Variants in OLIG2 observed in about 807,000 individuals in gnomAD.
OLIG2 encodes the protein basic domain, helix-loop-helix protein, class B, 1.
In OLIG2, 12 loss-of-function variants were observed where a neutral mutation model predicts 13.4. The observed-to-expected ratio is 0.90, with a 90% confidence interval of 0.58 to 1.46. The LOEUF (loss-of-function observed/expected upper bound fraction) is 1.46, where lower values mean the gene tolerates loss of function less well. OLIG2 is among the 40% of genes most tolerant of loss of function. The pLI is 0.00. For synonymous variants in OLIG2, 250 were observed against 233.6 expected (o/e 1.07, Z -0.64); for missense variants, 415 against 487.9 (o/e 0.85, Z 1.41).
In OLIG2 at chr21:33,027,764, C is replaced by G; in HGVS notation, c.902C>G (p.Pro301Arg). ...MPCPCSMCQV[P>R]PPHHHVSAMG... ...TGCCCCTGCAGCATGTGCCAGGTGCCGCCGCCGCACCACCACGTGTCGGCT... is the reference window on the plus strand; with the variant it reads ...TGCCCCTGCAGCATGTGCCAGGTGCGGCCGCCGCACCACCACGTGTCGGCT... The change falls in exon 2 of 2, where the codon CCG becomes CGG. Residue 301 changes from proline to arginine, a missense_variant. Around this residue, in one of 3 missense-constraint regions of OLIG2, gnomAD observed 243 missense variants for 241.2 expected, o/e 1.01. Coordinates refer to ENST00000382357, the MANE Select transcript of OLIG2 (RefSeq NM_005806.4). The G allele has an allele frequency of 7.1e-7, 1 of 1,412,766 alleles. No individual in the cohort carries two copies. The highest frequency in any genetic ancestry group is 9.2e-7 in the Non-Finnish European group (1 of 1,088,754). The allele number at this position is 1,412,766 out of a possible 1,614,324, so 87.5% of individuals were successfully genotyped here. A position where few individuals can be genotyped will look rare whatever the true frequency, so the allele number is the denominator to read the frequency against.
In OLIG2 at chr21:33,027,144, CAAG is replaced by C. The variant is rs762151640; in HGVS notation, c.286_288del (p.Lys96del). 5 of 1,611,392 alleles carry C rather than the reference CAAG, an allele frequency of 3.1e-6. No individual in the cohort carries two copies. Among genetic ancestry groups the C allele is most frequent in the Middle Eastern group, 3.3e-4 (2 of 6,060 alleles). On this transcript the variant is annotated inframe_deletion, in exon 2 of 2. Transcript: ENST00000382357. The stretch of plus-strand genomic sequence containing the variant: ...CGTCGTCGGCGGCTGCGTCGTCCAC[CAAG>C]AAGGACAAGAAGCAAATGACAGAGC...
Position 33,028,593 on chromosome 21 carries a change from C to T in OLIG2, c.*759C>T. 4.2e-6 allele frequency: 1 copy of T among 240,434 alleles called. No individual in the cohort carries two copies. Among genetic ancestry groups the T allele is most frequent in the Non-Finnish European group, 8.8e-6 (1 of 113,364 alleles). 14.9% of individuals were successfully genotyped at this position (240,434 alleles called of 1,614,324 possible). A position where few individuals can be genotyped will look rare whatever the true frequency, so the allele number is the denominator to read the frequency against. On this transcript the variant is annotated 3_prime_UTR_variant, in exon 2 of 2. Transcript: ENST00000382357. ...AAGTTTATAGACATTCAGAGTAGAA[C>T]CACTTGTGGATTGGAATAACCCAAA...
Position 33,026,814 on chromosome 21 carries a change from G to A in OLIG2, c.-49G>A, listed in dbSNP as rs1432012799. On this transcript the variant is annotated 5_prime_UTR_variant, in exon 2 of 2. Coordinates refer to ENST00000382357, the MANE Select transcript of OLIG2 (RefSeq NM_005806.4). The surrounding 1 kb of genome is among the most constrained non-coding windows in gnomAD (Gnocchi z 6.6). Reference sequence around the variant, plus strand: ...CTCTCCTGGAAGTTTTCGGGTCCGAGGGAAGGAGGACCCTGCGAAAGCTGC... The same window carrying A: ...CTCTCCTGGAAGTTTTCGGGTCCGAAGGAAGGAGGACCCTGCGAAAGCTGC... The A allele has an allele frequency of 1.9e-6, 3 of 1,591,842 alleles. No individual in the cohort carries two copies. The African/African-American group carries it at 4.0e-5, about 21-fold the overall frequency.
Position 33,028,239 on chromosome 21 carries a change from G to C in OLIG2, c.*405G>C, listed in dbSNP as rs931051004. On this transcript the variant is annotated 3_prime_UTR_variant, in exon 2 of 2. Transcript: ENST00000382357. ...GACTCGGCTTGGGCAGCACTTCGGG[G>C]GGGGAGGGGGTGTTATGGGAGGGGG... is the stretch of plus-strand genomic sequence containing the variant. 4 of 249,084 alleles carry C rather than the reference G, an allele frequency of 1.6e-5. No individual in the cohort carries two copies. Among genetic ancestry groups the C allele is most frequent in the Non-Finnish European group, 2.5e-5 (3 of 121,834 alleles). 15.4% of individuals were successfully genotyped at this position (249,084 alleles called of 1,614,324 possible).
rs1338501119 is a variant in OLIG2 at position 33,027,162 on chromosome 21, A to G, written c.300A>G (p.Gln100=). 3 of 1,611,388 alleles carry G rather than the reference A, an allele frequency of 1.9e-6. No homozygotes were observed. Among genetic ancestry groups the G allele is most frequent in the Non-Finnish European group, 2.5e-6 (3 of 1,179,200 alleles). ...CGTCCACCAAGAAGGACAAGAAGCA[A>G]ATGACAGAGCCGGAGCTGCAGCAGC... is the stretch of plus-strand genomic sequence containing the variant. ...AASSTKKDKK[Q]MTEPELQQLR... The change falls in exon 2 of 2, where the codon CAA becomes CAG. Residue 100 remains glutamine (Q), a synonymous_variant. Transcript: ENST00000382357.
rs938757932 is a variant in OLIG2 at position 33,027,685 on chromosome 21, G to C, written c.823G>C (p.Gly275Arg). 7.3e-7 allele frequency: 1 copy of C among 1,370,696 alleles called. No individual in the cohort carries two copies. Among genetic ancestry groups the C allele is most frequent in the Non-Finnish European group, 9.3e-7 (1 of 1,070,422 alleles). 84.9% of individuals were successfully genotyped at this position (1,370,696 alleles called of 1,614,324 possible). Reference protein sequence around the residue: ...SAAAAAPLGGGGGGSGASGGF... With the variant: ...SAAAAAPLGGRGGGSGASGGF... ...TGCCGCGGCCGCCCCGCTGGGGGGC[G>C]GGGGCGGCGGCAGTGGGGCGAGCGG... is the stretch of plus-strand genomic sequence containing the variant. The change falls in exon 2 of 2, where the codon GGG becomes CGG. Residue 275 changes from glycine to arginine, a missense_variant. Gly to Arg is a moderately radical substitution (Grantham distance 125). Coordinates refer to ENST00000382357, the MANE Select transcript of OLIG2 (RefSeq NM_005806.4).
At position 33,026,842 on chromosome 21, in the gene OLIG2, C is replaced by G. The variant is rs543860493; in HGVS notation, c.-21C>G. On this transcript the variant is annotated 5_prime_UTR_variant, in exon 2 of 2. Transcript: ENST00000382357. This position sits in a 1 kb window ranked among gnomAD's most constrained non-coding sequence, Gnocchi z 6.6. Reference sequence around the variant, plus strand: ...AAGGAGGACCCTGCGAAAGCTGCGACGACTATCTTCCCCTGGGGCCATGGA... The same window carrying G: ...AAGGAGGACCCTGCGAAAGCTGCGAGGACTATCTTCCCCTGGGGCCATGGA... 15 of 1,604,452 alleles carry G rather than the reference C, an allele frequency of 9.3e-6. No homozygotes were observed. Among genetic ancestry groups the G allele is most frequent in the South Asian group, 7.7e-5 (7 of 90,950 alleles).
Position 33,026,221 on chromosome 21 carries a change from G to A in OLIG2, c.-63+195G>A, listed in dbSNP as rs1981065977. 6.5e-6 allele frequency: 1 copy of A among 152,756 alleles called. No individual in the cohort carries two copies. Among genetic ancestry groups the A allele is most frequent in the Non-Finnish European group, 1.5e-5 (1 of 68,442 alleles). 9.5% of individuals were successfully genotyped at this position (152,756 alleles called of 1,614,324 possible). ...CTCCCTCACCAAAAGCGAGAAGTCGGAGCGACAACAGCTCTTTCTGCCCAA... is the reference window on the plus strand; with the variant it reads ...CTCCCTCACCAAAAGCGAGAAGTCGAAGCGACAACAGCTCTTTCTGCCCAA... On this transcript the variant is annotated intron_variant, in intron 1 of 1. Coordinates refer to ENST00000382357, the MANE Select transcript of OLIG2 (RefSeq NM_005806.4). This position sits in a 1 kb window ranked among gnomAD's most constrained non-coding sequence, Gnocchi z 6.6.
Position 33,027,540 on chromosome 21 carries a change from CGCAGCGGCTGCTGCCGCCGCTGCA to C in OLIG2, c.681_704del (p.Ala230_Ala237del), listed in dbSNP as rs1370704482. 3.7e-5 allele frequency: 54 copies of C among 1,473,756 alleles called. No homozygotes were observed. The highest frequency in any genetic ancestry group is 4.4e-5 in the Non-Finnish European group (49 of 1,117,272). 91.3% of individuals were successfully genotyped at this position (1,473,756 alleles called of 1,614,324 possible). A position where few individuals can be genotyped will look rare whatever the true frequency, so the allele number is the denominator to read the frequency against. On this transcript the variant is annotated inframe_deletion, in exon 2 of 2. Coordinates refer to ENST00000382357, the MANE Select transcript of OLIG2 (RefSeq NM_005806.4). Reference sequence around the variant, plus strand: ...ACCACCCCATCCTGCCGCCCGCCGCCGCAGCGGCTGCTGCCGCCGCTGCAGCCGCGGCTGTGTCCAGCGCCTCTC... The same window carrying C: ...ACCACCCCATCCTGCCGCCCGCCGCCGCCGCGGCTGTGTCCAGCGCCTCTC...
chr21:33,027,334 T>A lies in OLIG2; in HGVS notation c.472T>A (p.Tyr158Asn). Reference protein sequence around the residue: ...KIATLLLARNYILMLTNSLEE... With the variant: ...KIATLLLARNNILMLTNSLEE... ...CGCCACGCTGCTGCTGGCGCGCAAC[T>A]ACATCCTCATGCTCACCAACTCGCT... Residue 158 changes from tyrosine to asparagine, a missense_variant, in exon 2 of 2, where the codon TAC becomes AAC. This residue lies in a region of OLIG2 where 50 missense variants were observed against 119.9 expected (regional missense o/e 0.42). Coordinates refer to ENST00000382357, the MANE Select transcript of OLIG2 (RefSeq NM_005806.4). 1 of 1,579,450 alleles carries A rather than the reference T, an allele frequency of 6.3e-7. No individual in the cohort carries two copies. The highest frequency in any genetic ancestry group is 8.6e-7 in the Non-Finnish European group (1 of 1,163,070).
Position 33,026,988 on chromosome 21 carries a change from C to T in OLIG2, c.126C>T (p.Ser42=), listed in dbSNP as rs1733231003. The T allele has an allele frequency of 6.2e-7, 1 of 1,612,308 alleles. No homozygotes were observed. The highest frequency in any genetic ancestry group is 8.5e-7 in the Non-Finnish European group (1 of 1,179,608). The change falls in exon 2 of 2, where the codon TCC becomes TCT. Residue 42 remains serine, a synonymous_variant. Transcript: ENST00000382357. The surrounding 1 kb of genome is among the most constrained non-coding windows in gnomAD (Gnocchi z 6.6). ...SAFTGGTVSS[S]TPSDCPPELS... The stretch of plus-strand genomic sequence containing the variant: ...TCACTGGGGGCACCGTGTCCTCGTC[C>T]ACCCCGAGTGACTGCCCGCCGGAGC...
Position 33,028,329 on chromosome 21 carries a change from T to G in OLIG2, c.*495T>G, listed in dbSNP as rs1482495015. ...GGTGGGAGACTCCGGGTAGCCGCAC[T>G]GCAGAAGCAACAGCCCGACCGCGCC... is the stretch of plus-strand genomic sequence containing the variant. On this transcript the variant is annotated 3_prime_UTR_variant, in exon 2 of 2. Transcript: ENST00000382357. 3 of 244,046 alleles carry G rather than the reference T, an allele frequency of 1.2e-5. No individual in the cohort carries two copies. The highest frequency in any genetic ancestry group is 6.7e-5 in the African/African-American group (3 of 45,018). The allele number at this position is 244,046 out of a possible 1,614,324, so 15.1% of individuals were successfully genotyped here. A position where few individuals can be genotyped will look rare whatever the true frequency, so the allele number is the denominator to read the frequency against.
At position 33,027,798 on chromosome 21, in the gene OLIG2, CG is replaced by C; in HGVS notation, c.938del (p.Gly313AlafsTer76). 7.0e-7 allele frequency: 1 copy of C among 1,427,396 alleles called. No homozygotes were observed. Among genetic ancestry groups the C allele is most frequent in the Non-Finnish European group, 9.1e-7 (1 of 1,096,148 alleles). 88.4% of individuals were successfully genotyped at this position (1,427,396 alleles called of 1,614,324 possible). A position where few individuals can be genotyped will look rare whatever the true frequency, so the allele number is the denominator to read the frequency against. Reference protein sequence around the residue: ...PHHHVSAMGAGSLPRLTSDAK With the variant: ...PHHHVSAMGAXSLPRLTSDAK ...ACCACCACGTGTCGGCTATGGGCGC[CG>C]GCAGCCTGCCGCGCCTCACCTCCGA... On this transcript the variant is annotated frameshift_variant, in exon 2 of 2. Coordinates refer to ENST00000382357, the MANE Select transcript of OLIG2 (RefSeq NM_005806.4). LOFTEE classifies it high-confidence loss of function.
chr21:33,026,760 C>T lies in OLIG2; in HGVS notation c.-62-41C>T, dbSNP rs554913222. 31 of 1,398,786 alleles carry T rather than the reference C, an allele frequency of 2.2e-5. No individual in the cohort carries two copies. The South Asian group carries it at 3.9e-4, about 18-fold the overall frequency. The allele number at this position is 1,398,786 out of a possible 1,614,324, so 86.6% of individuals were successfully genotyped here. ...TCACTCTCTCTCTCTCTCCCTCTCTCTCTCTCTCATTCTCTCTCTTTTCTC... is the reference window on the plus strand; with the variant it reads ...TCACTCTCTCTCTCTCTCCCTCTCTTTCTCTCTCATTCTCTCTCTTTTCTC... On this transcript the variant is annotated intron_variant, in intron 1 of 1. Coordinates refer to ENST00000382357, the MANE Select transcript of OLIG2 (RefSeq NM_005806.4). The surrounding 1 kb of genome is among the most constrained non-coding windows in gnomAD (Gnocchi z 6.6).
rs779942865 is a variant in OLIG2 at position 33,027,051 on chromosome 21, C to T, written c.189C>T (p.Gly63=). 1 of 1,611,748 alleles carries T rather than the reference C, an allele frequency of 6.2e-7. No individual in the cohort carries two copies. Among genetic ancestry groups the T allele is most frequent in the Admixed American group, 1.7e-5 (1 of 59,762 alleles). ...TGCGCGGCGCTATGGGCTCTGCGGG[C>T]GCGCATCCTGGGGACAAGCTAGGAG... ...AELRGAMGSA[G]AHPGDKLGGS... Residue 63 remains glycine (G), a synonymous_variant, in exon 2 of 2, where the codon GGC becomes GGT. Coordinates refer to ENST00000382357, the MANE Select transcript of OLIG2 (RefSeq NM_005806.4).
Position 33,027,440 on chromosome 21 carries a change from C to A in OLIG2, c.578C>A (p.Ala193Glu), listed in dbSNP as rs1378006472. ...GFHPSACGGLAHSAPLPAATA... is the reference protein window; with the variant it reads ...GFHPSACGGLEHSAPLPAATA... ...CACCCGTCGGCCTGCGGCGGCCTGG[C>A]GCACTCCGCGCCCCTGCCCGCCGCC... Residue 193 changes from alanine (A) to glutamate (E), a missense_variant, in exon 2 of 2, where the codon GCG becomes GAG. This residue lies in a region of OLIG2 where 243 missense variants were observed against 241.2 expected (regional missense o/e 1.01). Transcript: ENST00000382357. 2.6e-6 allele frequency: 4 copies of A among 1,532,612 alleles called. No homozygotes were observed. The highest frequency in any genetic ancestry group is 3.5e-6 in the Non-Finnish European group (4 of 1,143,300). The allele number at this position is 1,532,612 out of a possible 1,614,324, so 94.9% of individuals were successfully genotyped here. A position where few individuals can be genotyped will look rare whatever the true frequency, so the allele number is the denominator to read the frequency against.
Position 33,027,447 on chromosome 21 carries a change from C to G in OLIG2, c.585C>G (p.Ser195=), listed in dbSNP as rs1366432097. 4 of 1,520,948 alleles carry G rather than the reference C, an allele frequency of 2.6e-6. No homozygotes were observed. In the East Asian group the frequency reaches 7.6e-5, roughly 29 times the overall value. 94.2% of individuals were successfully genotyped at this position (1,520,948 alleles called of 1,614,324 possible). A position where few individuals can be genotyped will look rare whatever the true frequency, so the allele number is the denominator to read the frequency against. The change falls in exon 2 of 2, where the codon TCC becomes TCG. Residue 195 remains serine, a synonymous_variant. Coordinates refer to ENST00000382357, the MANE Select transcript of OLIG2 (RefSeq NM_005806.4). The part of the protein sequence containing the change: ...HPSACGGLAH[S]APLPAATAHP... ...CGGCCTGCGGCGGCCTGGCGCACTC[C>G]GCGCCCCTGCCCGCCGCCACCGCGC...
In OLIG2 at chr21:33,028,934, C is replaced by T. The variant is rs907545559; in HGVS notation, c.*1100C>T. 8.3e-6 allele frequency: 2 copies of T among 242,096 alleles called. No homozygotes were observed. 15.0% of individuals were successfully genotyped at this position (242,096 alleles called of 1,614,324 possible). On this transcript the variant is annotated 3_prime_UTR_variant, in exon 2 of 2. Coordinates refer to ENST00000382357, the MANE Select transcript of OLIG2 (RefSeq NM_005806.4). ...TTTCCTCTATTTTGGTTTATTTTTGCCACGTTTAACACAAATGGTAAACTC... is the reference window on the plus strand; with the variant it reads ...TTTCCTCTATTTTGGTTTATTTTTGTCACGTTTAACACAAATGGTAAACTC...
Position 33,027,924 on chromosome 21 carries a change from C to A in OLIG2, c.*90C>A. 1 of 1,291,238 alleles carries A rather than the reference C, an allele frequency of 7.7e-7. No homozygotes were observed. The highest frequency in any genetic ancestry group is 9.9e-7 in the Non-Finnish European group (1 of 1,006,770). 80.0% of individuals were successfully genotyped at this position (1,291,238 alleles called of 1,614,324 possible). On this transcript the variant is annotated 3_prime_UTR_variant, in exon 2 of 2. Transcript: ENST00000382357. ...CCTGCGCTGGGCTCGGGAGCTCTGT[C>A]GCGAGGAGGGGCGCAGGACCATGGA...
Sources: gnomAD v4.1 joint callset for allele counts on GRCh38, gnomAD v4.1.1 for gene constraint, gnomAD v4.1.1 regional missense constraint, Gnocchi (gnomAD v3.1) non-coding constraint, MANE v1.5 for transcripts, NCBI Gene and HGNC (gene_info 2026-07-23, HGNC 2026-07-21) for gene names.